Variants in VPS13B observed in about 807,000 individuals in gnomAD.
VPS13B encodes intermembrane lipid transfer protein VPS13B.
A neutral mutation model predicts 426.4 loss-of-function variants in VPS13B; 285 were observed. The ratio of observed to expected loss-of-function variants is 0.67; its 90% CI spans 0.61 to 0.74. The LOEUF (loss-of-function observed/expected upper bound fraction) is 0.74. VPS13B is among the 30% of genes least tolerant of loss of function. The pLI, the probability that VPS13B is intolerant of heterozygous loss-of-function variation, is 0.00. For missense variants in VPS13B, 4,537 were observed against 4,782.6 expected, an observed-to-expected ratio of 0.95 and a Z score of 1.51; for synonymous variants, 1,676 against 1,676.4, an observed-to-expected ratio of 1.00 and a Z score of 0.01.
rs1254545508 is a variant in VPS13B, at chr8:99,653,474, T to C, written c.5909-7880T>C. ...TTGGATATGTGACTTCATTTTTTTT[T>C]TTTTTTTTCACTGAATAGCACCTTG... On this transcript the variant is annotated intron_variant, in intron 34 of 61. Coordinates refer to ENST00000357162, the MANE Select transcript of VPS13B (RefSeq NM_152564.5). Among the ~76,000 whole-genome samples, 24 of 152,082 alleles carry C rather than the reference T, an allele frequency of 1.6e-4. No homozygotes were observed. In the East Asian group the frequency reaches 4.0e-3, roughly 26 times the overall value.
At chr8:99,305,988 T>C (rs536447623) in intron 19 of VPS13B, among the ~76,000 whole-genome samples, 1 of 152,266 alleles carries the variant, frequency 6.6e-6, no homozygotes, top group East Asian at 1.9e-4. Flanking sequence ...CACCACTGTA[T>C]TTTTAATACT....
intron 16 of VPS13B, among the ~76,000 whole-genome samples, chr8:99,172,248 A>G (rs778776829): frequency 2.0e-5 from 3 of 152,166 alleles, no homozygotes; most frequent in Admixed American, 6.5e-5. Flanking sequence ...CTATTTGTAG[A>G]GAAATATATG....
intron 2 of VPS13B, among the ~76,000 whole-genome samples, chr8:99,036,442 T>C (rs1842752594): frequency 6.6e-6 from 1 of 152,198 alleles, no homozygotes; most frequent in South Asian, 2.1e-4. Flanking sequence ...CTTTTTTGGT[T>C]ATCTTAAGGA....
At chr8:99,130,235 A>G (rs1809704707) in intron 8 of VPS13B, among the ~76,000 whole-genome samples, 1 of 152,196 alleles carries the variant, frequency 6.6e-6, no homozygotes. Context: ...AATGTTTGGA[A>G]TTAATTTCTG....
chr8:99,626,275 G>A (rs112080462), intron 33 of VPS13B, among the ~76,000 whole-genome samples: 28 of 152,204 alleles, frequency 1.8e-4, no homozygotes, highest in African/African-American at 6.7e-4. Flanking sequence ...AAAGCAATAA[G>A]GTACATGTTA....
intron 19 of VPS13B, among the ~76,000 whole-genome samples, chr8:99,370,478 G>A (rs971992425): frequency 6.6e-6 from 1 of 152,088 alleles, no homozygotes; most frequent in Admixed American, 6.5e-5. Context: ...CAGCTTTGTA[G>A]GCTATGGTGA....
intron 19 of VPS13B, among the ~76,000 whole-genome samples, chr8:99,336,624 G>A (rs1428881620): frequency 6.6e-6 from 1 of 152,114 alleles, no homozygotes; most frequent in East Asian, 1.9e-4. Context: ...CTGACAAAGG[G>A]CTGATATCCA....
At chr8:99,553,313 C>G (rs1246705434) in intron 30 of VPS13B, among the ~76,000 whole-genome samples, 2 of 151,936 alleles carry the variant, frequency 1.3e-5, no homozygotes, top group African/African-American at 4.8e-5. Flanking sequence ...GTTATGAGAG[C>G]CAGGAGGTTC....
chr8:99,100,963 G>T lies in VPS13B; in HGVS notation c.413-1990G>T, dbSNP rs1336774525. Among the ~76,000 whole-genome samples, 2 of 151,766 alleles carry T rather than the reference G, an allele frequency of 1.3e-5. 1 individual carries two copies. The highest frequency in any genetic ancestry group is 4.2e-4 in the South Asian group (2 of 4,796). ...GGAGGTTGAGGCAGGAGAATCACTT[G>T]AACCCGGGAGGCGGAGGTTGTCGTG... On this transcript the variant is annotated intron_variant, in intron 4 of 61. Coordinates refer to ENST00000357162, the MANE Select transcript of VPS13B (RefSeq NM_152564.5).
chr8:99,714,924 A>G (rs1480501215), intron 36 of VPS13B, among the ~76,000 whole-genome samples: 2 of 152,214 alleles, frequency 1.3e-5, no homozygotes, highest in Non-Finnish European at 2.9e-5. Flanking sequence ...AAAAATGGCA[A>G]AAATTTAAAA....
intron 17 of VPS13B, among the ~76,000 whole-genome samples, chr8:99,262,131 G>A (rs1818072370): frequency 6.6e-6 from 1 of 152,070 alleles, no homozygotes; most frequent in Non-Finnish European, 1.5e-5. Context: ...CAGACTTTGT[G>A]TTTTGTTCCT....
At chr8:99,849,863 G>C in intron 55 of VPS13B, among the ~76,000 whole-genome samples, 1 of 152,126 alleles carries the variant, frequency 6.6e-6, no homozygotes, top group Non-Finnish European at 1.5e-5. Flanking sequence ...AATAAAACAA[G>C]TAGAATATAA....
chr8:99,086,769 G>A (rs1174491565), intron 3 of VPS13B, among the ~76,000 whole-genome samples: 1 of 152,240 alleles, frequency 6.6e-6, no homozygotes, highest in Non-Finnish European at 1.5e-5. Context: ...CTGCAGAACA[G>A]TGGATATTGG....
At chr8:99,088,273 G>A (rs553691439) in intron 3 of VPS13B, among the ~76,000 whole-genome samples, 1 of 151,776 alleles carries the variant, frequency 6.6e-6, no homozygotes, top group East Asian at 1.9e-4. Context: ...CCTGGGTAGT[G>A]TAGAGCTTAG....
chr8:99,655,185 G>T (rs540056776), intron 34 of VPS13B, among the ~76,000 whole-genome samples: 1 of 152,154 alleles, frequency 6.6e-6, no homozygotes, highest in African/African-American at 2.4e-5. Flanking sequence ...TTGGCTTGCA[G>T]ATTATTTACT....
At chr8:99,113,820 C>T (rs140210514) in intron 6 of VPS13B, among the ~76,000 whole-genome samples, 2,196 of 152,282 alleles carry the variant, frequency 0.014, 23 homozygotes, top group Middle Eastern at 0.024. Flanking sequence ...GGCTCAGCCT[C>T]CCAAAGTGCT....
At chr8:99,588,475 T>C (rs1338023273) in intron 33 of VPS13B, among the ~76,000 whole-genome samples, 1 of 151,784 alleles carries the variant, frequency 6.6e-6, no homozygotes, top group Non-Finnish European at 1.5e-5. Context: ...CATTTGTTTG[T>C]GTCCTCTTTT....
intron 35 of VPS13B, among the ~76,000 whole-genome samples, chr8:99,669,797 C>T (rs528216313): frequency 1.3e-5 from 2 of 151,964 alleles, no homozygotes; most frequent in Non-Finnish European, 2.9e-5. Flanking sequence ...AATCTGTTGA[C>T]TTGAACTGGT....
At chr8:99,050,954 C>CA (rs1387466802) in intron 3 of VPS13B, among the ~76,000 whole-genome samples, 1 of 152,104 alleles carries the variant, frequency 6.6e-6, no homozygotes, top group Non-Finnish European at 1.5e-5. Context: ...GAGTAGATTG[C>CA]AAAATTTTTT....
Sources: gnomAD v4.1 joint callset for allele counts (sites outside exome capture counted in the v4.1 genomes callset) on GRCh38, gnomAD v4.1.1 for gene constraint, MANE v1.5 for transcripts, NCBI Gene and HGNC (gene_info 2026-07-23, HGNC 2026-07-21) for gene names.